MSRA: variants seen among roughly 807,000 people sequenced by gnomAD.
The protein encoded by MSRA is methionine sulfoxide reductase A.
MSRA carries 54 observed loss-of-function variants against 31.3 expected under a neutral mutation model. The ratio of observed to expected loss-of-function variants is 1.73; its 90% CI spans 1.39 to 2.17. The LOEUF is 2.17. Ranked by LOEUF, MSRA falls within the 30% of genes most tolerant of loss-of-function variation. The probability of loss-of-function intolerance (pLI) is 0.00; values close to 1 mark genes in which losing one functional copy is unlikely to be tolerated. For missense variants in MSRA, 507 were observed against 300.9 expected, an observed-to-expected ratio of 1.69 and a Z score of -5.07; for synonymous variants, 169 against 116.5, an observed-to-expected ratio of 1.45 and a Z score of -2.90.
intron 2 of MSRA, among the ~76,000 whole-genome samples, chr8:10,244,415 A>T (rs970708275): frequency 1.3e-5 from 2 of 152,184 alleles, no homozygotes; most frequent in African/African-American, 4.8e-5. Context: ...CCACTGGTAT[A>T]CACACAATGT....
At chr8:10,395,711 C>G (rs186365340) in intron 5 of MSRA, among the ~76,000 whole-genome samples, 1 of 152,260 alleles carries the variant, frequency 6.6e-6, no homozygotes, top group African/African-American at 2.4e-5. Context: ...CTGGGTTCAT[C>G]CTAGCTACAG....
intron 1 of MSRA, among the ~76,000 whole-genome samples, chr8:10,123,598 C>G (rs962034294): frequency 1.1e-4 from 16 of 152,066 alleles, no homozygotes; most frequent in Admixed American, 5.9e-4. Flanking sequence ...TTGCCCATTC[C>G]TATGTTCAGG....
chr8:10,370,761 A>G (rs936568281), intron 5 of MSRA, among the ~76,000 whole-genome samples: 11 of 152,216 alleles, frequency 7.2e-5, no homozygotes, highest in Non-Finnish European at 1.3e-4. Flanking sequence ...TTTGTCAAAG[A>G]TGCCCCATGG....
At chr8:10,324,298 A>C (rs1802234495) in intron 5 of MSRA, among the ~76,000 whole-genome samples, 2 of 152,200 alleles carry the variant, frequency 1.3e-5, no homozygotes, top group Admixed American at 1.3e-4. Flanking sequence ...TAGAGAGCAT[A>C]GCAGTTCATT....
At chr8:10,187,893 C>A (rs1050081290) in intron 1 of MSRA, among the ~76,000 whole-genome samples, 1 of 152,120 alleles carries the variant, frequency 6.6e-6, no homozygotes, top group Admixed American at 6.5e-5. Flanking sequence ...ACTATAAATT[C>A]ATGGGATTTA....
intron 5 of MSRA, among the ~76,000 whole-genome samples, chr8:10,377,176 C>T (rs1270104925): frequency 1.3e-5 from 2 of 152,262 alleles, no homozygotes; most frequent in African/African-American, 4.8e-5. Flanking sequence ...AACGATTTGC[C>T]TGCTGTACAG....
chr8:10,126,950 C>T (rs1801546937), intron 1 of MSRA, among the ~76,000 whole-genome samples: 1 of 151,778 alleles, frequency 6.6e-6, no homozygotes, highest in Non-Finnish European at 1.5e-5. Flanking sequence ...GCTCGCTCAC[C>T]TGCCACTCAC....
intron 4 of MSRA, among the ~76,000 whole-genome samples, chr8:10,314,662 A>G (rs1000462334): frequency 6.6e-6 from 1 of 152,244 alleles, no homozygotes; most frequent in Non-Finnish European, 1.5e-5. Context: ...TATGTACTCA[A>G]GAGAAACTCA....
chr8:10,350,670 T>C (rs993024704), intron 5 of MSRA, among the ~76,000 whole-genome samples: 7 of 152,242 alleles, frequency 4.6e-5, no homozygotes, highest in Non-Finnish European at 8.8e-5. Flanking sequence ...AGTGGGCTCA[T>C]AGCTGGTTGG....
intron 5 of MSRA, among the ~76,000 whole-genome samples, chr8:10,340,480 C>G (rs2129150034): frequency 6.6e-6 from 1 of 152,314 alleles, no homozygotes; most frequent in Non-Finnish European, 1.5e-5. Flanking sequence ...TCAAGTGATT[C>G]TCGTCCTTCA....
At chr8:10,413,242 A>T (rs1375997086) in intron 5 of MSRA, among the ~76,000 whole-genome samples, 1 of 152,230 alleles carries the variant, frequency 6.6e-6, no homozygotes, top group African/African-American at 2.4e-5. Context: ...GCGCACACAC[A>T]GCCCTCAGCA....
intron 5 of MSRA, among the ~76,000 whole-genome samples, chr8:10,420,900 A>AT (rs1039470956): frequency 1.3e-5 from 2 of 151,194 alleles, no homozygotes; most frequent in Non-Finnish European, 3.0e-5. Flanking sequence ...CTTAAAAAAA[A>AT]AAAGGAGAAT....
chr8:10,118,445 C>T (rs767331688), intron 1 of MSRA, among the ~76,000 whole-genome samples: 3 of 152,096 alleles, frequency 2.0e-5, no homozygotes, highest in Non-Finnish European at 2.9e-5. Flanking sequence ...GCTTTATAAC[C>T]TCCCTGAGGA....
intron 5 of MSRA, among the ~76,000 whole-genome samples, chr8:10,336,509 A>G (rs1188517508): frequency 6.9e-6 from 1 of 144,172 alleles, no homozygotes; most frequent in Non-Finnish European, 1.5e-5. Context: ...CTGTATGGTT[A>G]TTTTTCCCTC....
intron 2 of MSRA, among the ~76,000 whole-genome samples, chr8:10,236,952 T>A (rs936961398): frequency 3.3e-5 from 5 of 152,214 alleles, no homozygotes; most frequent in Non-Finnish European, 7.3e-5. Context: ...TTCATAGTAG[T>A]AAAATAAAAC....
intron 5 of MSRA, among the ~76,000 whole-genome samples, chr8:10,377,424 G>C (rs1452007435): frequency 1.3e-5 from 2 of 152,222 alleles, no homozygotes; most frequent in Non-Finnish European, 2.9e-5. Flanking sequence ...ATAAGCCAAA[G>C]TGTATTACAT....
intron 5 of MSRA, among the ~76,000 whole-genome samples, chr8:10,396,379 T>C (rs775900429): frequency 2.0e-5 from 3 of 152,272 alleles, no homozygotes; most frequent in Middle Eastern, 3.4e-3. Flanking sequence ...TTTCCTCCAT[T>C]TGGGGGGCTT....
At chr8:10,318,526 C>CA (rs1387121188) in intron 4 of MSRA, among the ~76,000 whole-genome samples, 1 of 152,170 alleles carries the variant, frequency 6.6e-6, no homozygotes, top group African/African-American at 2.4e-5. Flanking sequence ...AGAGGAAAGA[C>CA]ATATAGGAGT....
At chr8:10,301,728 G>C in intron 4 of MSRA, 90 bp downstream of exon 4, 1 of 1,016,626 alleles carries the variant, frequency 9.8e-7, no homozygotes, top group South Asian at 1.5e-5. Context: ...GATGAACCTT[G>C]AAATCACACA....
Sources: allele counts gnomAD v4.1 joint callset (sites outside exome capture counted in the v4.1 genomes callset), GRCh38; gene constraint gnomAD v4.1.1; transcripts MANE v1.5; gene names NCBI Gene and HGNC (gene_info 2026-07-23, HGNC 2026-07-21).